The following BMERB1 variants were observed in gnomAD, a reference collection of about 807,000 sequenced individuals.
BMERB1 encodes the protein bMERB domain-containing protein 1.
Under a neutral mutation model 23.6 loss-of-function variants are expected in BMERB1, and 12 were observed. The observed-to-expected ratio is 0.51, with a 90% confidence interval of 0.33 to 0.82. The LOEUF is 0.82. Ranked by LOEUF, BMERB1 falls within the 40% of genes least tolerant of loss-of-function variation. BMERB1 has a pLI of 0.03. For synonymous variants in BMERB1, 122 were observed against 96.6 expected, an observed-to-expected ratio of 1.26 and a Z score of -1.54; for missense variants, 247 against 255.4, an observed-to-expected ratio of 0.97 and a Z score of 0.22.
intron 1 of BMERB1, among the ~76,000 whole-genome samples, chr16:15,435,301 G>T (rs1375213288): frequency 6.6e-6 from 1 of 152,226 alleles, no homozygotes; most frequent in African/African-American, 2.4e-5. Context: ...CGGCAAAAGG[G>T]TCAAAAGGCA....
At chr16:15,488,124 C>T (rs1242631282) in intron 1 of BMERB1, among the ~76,000 whole-genome samples, 1 of 152,158 alleles carries the variant, frequency 6.6e-6, no homozygotes, top group Admixed American at 6.5e-5. Flanking sequence ...TCAAACGCTT[C>T]TGACAGTATG....
chr16:15,485,260 T>C (rs1054422904), intron 1 of BMERB1, among the ~76,000 whole-genome samples: 2 of 152,124 alleles, frequency 1.3e-5, no homozygotes, highest in East Asian at 3.9e-4. Flanking sequence ...ATTCAGAAAA[T>C]GGGTGCTGGA....
chr16:15,498,465 A>G (rs747862635), intron 1 of BMERB1, among the ~76,000 whole-genome samples: 1 of 152,084 alleles, frequency 6.6e-6, no homozygotes, highest in Non-Finnish European at 1.5e-5. Context: ...TTGAGGATGC[A>G]GTGAGGTATG....
chr16:15,455,798 T>C (rs1411265021), intron 1 of BMERB1, among the ~76,000 whole-genome samples: 3 of 152,122 alleles, frequency 2.0e-5, no homozygotes, highest in African/African-American at 7.2e-5. Context: ...ACAGCTTTCT[T>C]TCAAGGGGTG....
intron 2 of BMERB1, among the ~76,000 whole-genome samples, chr16:15,548,246 A>C (rs562650214): frequency 9.9e-5 from 15 of 152,266 alleles, no homozygotes; most frequent in African/African-American, 3.4e-4. Context: ...TGGCCTTTCA[A>C]AGTGCTGGGA....
chr16:15,452,576 A>G (rs2051051971), intron 1 of BMERB1, among the ~76,000 whole-genome samples: 1 of 152,108 alleles, frequency 6.6e-6, no homozygotes, highest in African/African-American at 2.4e-5. Context: ...TTGCTTGCAA[A>G]TCATCCCATC....
intron 1 of BMERB1, among the ~76,000 whole-genome samples, chr16:15,493,928 C>G (rs528100369): frequency 6.6e-6 from 1 of 152,128 alleles, no homozygotes; most frequent in Non-Finnish European, 1.5e-5. Flanking sequence ...ATTTTAACCC[C>G]GCCAAGCACA....
intron 2 of BMERB1, among the ~76,000 whole-genome samples, chr16:15,518,251 C>G (rs2051799212): frequency 6.6e-6 from 1 of 152,138 alleles, no homozygotes; most frequent in Non-Finnish European, 1.5e-5. Flanking sequence ...ATCAAATTAT[C>G]TAAAGGATAC....
chr16:15,571,426 CT>C (rs1785087528), intron 3 of BMERB1, among the ~76,000 whole-genome samples: 1 of 151,336 alleles, frequency 6.6e-6, no homozygotes, highest in Non-Finnish European at 1.5e-5. Context: ...GGCGCGATCT[CT>C]GCTCACAGCA....
chr16:15,472,337 C>T (rs1366620802), intron 1 of BMERB1, among the ~76,000 whole-genome samples: 1 of 152,188 alleles, frequency 6.6e-6, no homozygotes, highest in East Asian at 1.9e-4. Context: ...ACCAGTTGCT[C>T]ACAGTGGGAT....
chr16:15,476,160 CTTTT>C (rs55893889), intron 1 of BMERB1, among the ~76,000 whole-genome samples: 3 of 86,564 alleles, frequency 3.5e-5, no homozygotes, highest in African/African-American at 7.1e-5. Flanking sequence ...ATGTCATTCA[CTTTT>C]TTTTTTTTTT....
intron 1 of BMERB1, among the ~76,000 whole-genome samples, chr16:15,469,219 GC>G (rs1466968372): frequency 6.6e-6 from 1 of 151,946 alleles, no homozygotes; most frequent in Non-Finnish European, 1.5e-5. Context: ...TCCCACCTCA[GC>G]ATCCCAAAGT....
chr16:15,523,353 G>T (rs1419514498), intron 2 of BMERB1, among the ~76,000 whole-genome samples: 1 of 152,206 alleles, frequency 6.6e-6, no homozygotes, highest in Admixed American at 6.5e-5. Flanking sequence ...TGGCAGGCCA[G>T]GGTGGTCTTG....
intron 1 of BMERB1, among the ~76,000 whole-genome samples, chr16:15,500,942 G>A (rs145432605): frequency 2.3e-4 from 35 of 152,190 alleles, no homozygotes; most frequent in African/African-American, 7.9e-4. Context: ...GTGAGCCACC[G>A]TGCCTGGCCT....
At chr16:15,455,452 T>A (rs1317030485) in intron 1 of BMERB1, among the ~76,000 whole-genome samples, 1 of 152,026 alleles carries the variant, frequency 6.6e-6, no homozygotes, top group Non-Finnish European at 1.5e-5. Context: ...AAAGTCTTTT[T>A]AAAATTTTAT....
At chr16:15,497,348 A>T (rs2051483234) in intron 1 of BMERB1, among the ~76,000 whole-genome samples, 1 of 152,216 alleles carries the variant, frequency 6.6e-6, no homozygotes, top group Admixed American at 6.5e-5. Context: ...GGGGTCTGGC[A>T]TCTCATTGTC....
At chr16:15,445,502 G>A (rs775080380) in intron 1 of BMERB1, among the ~76,000 whole-genome samples, 74 of 152,268 alleles carry the variant, frequency 4.9e-4, no homozygotes, top group Middle Eastern at 6.8e-3. Context: ...TTCTGGAAGA[G>A]CTGAGCCTTA....
At chr16:15,570,298 G>T (rs1299408254) in intron 3 of BMERB1, among the ~76,000 whole-genome samples, 1 of 152,154 alleles carries the variant, frequency 6.6e-6, no homozygotes, top group African/African-American at 2.4e-5. Flanking sequence ...AAAGAGACTG[G>T]GCCCAGCACA....
At chr16:15,486,117 G>A (rs761121772) in intron 1 of BMERB1, among the ~76,000 whole-genome samples, 4 of 150,180 alleles carry the variant, frequency 2.7e-5, no homozygotes, top group Admixed American at 1.3e-4. Flanking sequence ...TGGCACAATC[G>A]CTGGAACTTG....
Sources: allele counts gnomAD v4.1 joint callset (sites outside exome capture counted in the v4.1 genomes callset), GRCh38; gene constraint gnomAD v4.1.1; transcripts MANE v1.5; gene names NCBI Gene and HGNC (gene_info 2026-07-23, HGNC 2026-07-21).